CLEC3A: variants seen among roughly 807,000 people sequenced by gnomAD.
CLEC3A encodes the protein C-type (calcium dependent, carbohydrate-recognition domain) lectin, superfamily member 1 (cartilage-derived).
CLEC3A carries 28 observed loss-of-function variants against 20.4 expected under a neutral mutation model. That is an observed-to-expected ratio of 1.37 (90% CI 1.02 to 1.88). The LOEUF is 1.88. Ranked by LOEUF, CLEC3A falls within the 40% of genes most tolerant of loss-of-function variation. The probability of loss-of-function intolerance (pLI) is 0.00; values close to 1 mark genes in which losing one functional copy is unlikely to be tolerated. For missense variants in CLEC3A, 357 were observed against 240.4 expected, an observed-to-expected ratio of 1.48 and a Z score of -3.21; for synonymous variants, 110 against 88.1, an observed-to-expected ratio of 1.25 and a Z score of -1.39.
intron 2 of CLEC3A, among the ~76,000 whole-genome samples, chr16:78,029,925 A>G (rs1435973847): frequency 7.9e-5 from 12 of 152,174 alleles, no homozygotes; most frequent in Middle Eastern, 6.8e-3. Context: ...AGGCCGAGGC[A>G]GGCGGATCAT....
In CLEC3A at chr16:78,022,662, G is replaced by T; in HGVS notation, c.36G>T (p.Val12=). 1.2e-6 allele frequency: 2 copies of T among 1,614,106 alleles called. No homozygotes were observed. Among genetic ancestry groups the T allele is most frequent in the South Asian group, 1.1e-5 (1 of 91,068 alleles). Residue 12 remains valine (V), a synonymous_variant, in exon 1 of 3, where the codon GTG becomes GTT. Transcript: ENST00000299642. ...AKNGLVICIL[V]ITLLLDQTTS... is the part of the protein sequence containing the mutation. ...ATGGACTTGTAATTTGCATCCTGGT[G>T]ATCACCTTACTCCTGGACCAGACCA... is the stretch of plus-strand genomic sequence containing the variant.
At chr16:78,026,032 C>T (rs897810699) in intron 1 of CLEC3A, among the ~76,000 whole-genome samples, 9 of 152,156 alleles carry the variant, frequency 5.9e-5, no homozygotes, top group African/African-American at 1.4e-4. Context: ...TTTGCAAGCC[C>T]GGCCCCCACC....
In CLEC3A at chr16:78,030,612, T is replaced by G; in HGVS notation, c.365T>G (p.Leu122Arg). The change falls in exon 3 of 3, where the codon CTG becomes CGG. Residue 122 changes from leucine to arginine, a missense_variant. Leu to Arg is a moderately radical substitution (Grantham distance 102). Coordinates refer to ENST00000299642, the MANE Select transcript of CLEC3A (RefSeq NM_005752.6). ...NALQDYGKRS[L>R]PGVNDFWLGI... Reference sequence around the variant, plus strand: ...CTCCAAGACTATGGTAAAAGGAGCCTGCCAGGTGTCAATGACTTTTGGCTG... The same window carrying G: ...CTCCAAGACTATGGTAAAAGGAGCCGGCCAGGTGTCAATGACTTTTGGCTG... 6.2e-7 allele frequency: 1 copy of G among 1,614,120 alleles called. No individual in the cohort carries two copies. The highest frequency in any genetic ancestry group is 8.5e-7 in the Non-Finnish European group (1 of 1,180,024).
In CLEC3A at chr16:78,024,182, G is replaced by A. The variant is rs1164572522; in HGVS notation, c.115+1441G>A. Among the ~76,000 whole-genome samples the A allele has an allele frequency of 2.0e-5, 3 of 152,300 alleles. No homozygotes were observed. The South Asian group carries it at 6.2e-4, about 32-fold the overall frequency. ...CTGAAGATGGTATCGAAAGGAGAGG[G>A]GAGAGAGAAGATACTGGGTGACATG... On this transcript the variant is annotated intron_variant, in intron 1 of 2. Transcript: ENST00000299642.
intron 1 of CLEC3A, among the ~76,000 whole-genome samples, chr16:78,023,836 C>A (rs563924754): frequency 2.4e-4 from 36 of 150,942 alleles, no homozygotes; most frequent in African/African-American, 7.1e-4. Context: ...TGGCTCACTA[C>A]AAGCTCCACC....
chr16:78,028,030 A>T, intron 1 of CLEC3A, 77 bp from the exon 2 acceptor site: 1 of 1,011,764 alleles, frequency 9.9e-7, no homozygotes, highest in Non-Finnish European at 1.5e-6. Context: ...CTTGGGTCCT[A>T]CATTCCAAAG....
chr16:78,030,649 C>T lies in CLEC3A; in HGVS notation c.402C>T (p.Asp134=), dbSNP rs1400488572. ...GVNDFWLGIN[D]MVTEGKFVDV... is the part of the protein sequence containing the mutation. ...ATGACTTTTGGCTGGGCATCAATGA[C>T]ATGGTCACGGAAGGCAAGTTTGTTG... is the stretch of plus-strand genomic sequence containing the variant. Residue 134 remains aspartate (D), a synonymous_variant, in exon 3 of 3, where the codon GAC becomes GAT. Coordinates refer to ENST00000299642, the MANE Select transcript of CLEC3A (RefSeq NM_005752.6). The T allele has an allele frequency of 3.1e-6, 5 of 1,614,002 alleles. No individual in the cohort carries two copies. Among genetic ancestry groups the T allele is most frequent in the East Asian group, 2.2e-5 (1 of 44,882 alleles).
chr16:78,026,137 T>C (rs145774815), intron 1 of CLEC3A, among the ~76,000 whole-genome samples: 3 of 152,332 alleles, frequency 2.0e-5, no homozygotes, highest in Non-Finnish European at 4.4e-5. Flanking sequence ...ATTTCTGAGC[T>C]GAGCCATGGG....
intron 1 of CLEC3A, among the ~76,000 whole-genome samples, chr16:78,027,362 C>G (rs753690803): frequency 1.3e-5 from 2 of 152,066 alleles, no homozygotes; most frequent in African/African-American, 4.8e-5. Context: ...ACCAGGAAAG[C>G]CTTCTCAGAA....
At chr16:78,027,903 G>T (rs573060150) in intron 1 of CLEC3A, among the ~76,000 whole-genome samples, 7 of 152,300 alleles carry the variant, frequency 4.6e-5, no homozygotes, top group African/African-American at 1.7e-4. Context: ...TGGTCCACCC[G>T]CCTTGGCCTC....
In CLEC3A at chr16:78,030,682, C is replaced by G. The variant is rs757636173; in HGVS notation, c.435C>G (p.Asn145Lys). The G allele has an allele frequency of 6.2e-7, 1 of 1,614,128 alleles. No homozygotes were observed. Among genetic ancestry groups the G allele is most frequent in the Non-Finnish European group, 8.5e-7 (1 of 1,180,022 alleles). Residue 145 changes from asparagine (N) to lysine (K), a missense_variant, in exon 3 of 3, where the codon AAC becomes AAG. Coordinates refer to ENST00000299642, the MANE Select transcript of CLEC3A (RefSeq NM_005752.6). ...CGGAAGGCAAGTTTGTTGACGTCAA[C>G]GGAATCGCTATCTCCTTCCTCAACT... ...MVTEGKFVDVNGIAISFLNWD... is the reference protein window; with the variant it reads ...MVTEGKFVDVKGIAISFLNWD...
chr16:78,030,414 C>T (rs377538502), intron 2 of CLEC3A, 33 bp from the exon 3 acceptor site: 7 of 1,544,454 alleles, frequency 4.5e-6, no homozygotes, highest in Non-Finnish European at 6.1e-6. Flanking sequence ...ACTCAAAATG[C>T]ATCTTAATAT....
At chr16:78,030,417 CTTAATA>C in intron 2 of CLEC3A, 24 bp from the exon 3 acceptor site, 1 of 1,552,980 alleles carries the variant, frequency 6.4e-7, no homozygotes, top group South Asian at 1.2e-5. Context: ...CAAAATGCAT[CTTAATA>C]TGTTACACTT....
rs1346890230 is a variant in CLEC3A at position 78,030,745 on chromosome 16, CTG to C, written c.502_503del (p.Val168ProfsTer12). ...AQPNGGKREN[C>X]VLFSQSAQGK... ...AGCCTAACGGTGGCAAGCGAGAAAA[CTG>C]TGTCCTGTTCTCCCAATCAGCTCAG... On this transcript the variant is annotated frameshift_variant, in exon 3 of 3. Transcript: ENST00000299642. LOFTEE classifies it high-confidence loss of function. 4 of 1,614,032 alleles carry C rather than the reference CTG, an allele frequency of 2.5e-6. No individual in the cohort carries two copies. In the East Asian group the frequency reaches 6.7e-5, roughly 27 times the overall value.
intron 1 of CLEC3A, among the ~76,000 whole-genome samples, chr16:78,026,019 GT>G (rs2142589195): frequency 6.6e-6 from 1 of 152,308 alleles, no homozygotes; most frequent in African/African-American, 2.4e-5. Context: ...GTGTTCAGCA[GT>G]CTTTGCAAGC....
At chr16:78,027,308 G>A (rs1046569274) in intron 1 of CLEC3A, among the ~76,000 whole-genome samples, 9 of 152,190 alleles carry the variant, frequency 5.9e-5, no homozygotes, top group Non-Finnish European at 1.0e-4. Context: ...AGAAAAATAA[G>A]TTTCAAAGAC....
At chr16:78,024,050 C>A (rs529519158) in intron 1 of CLEC3A, among the ~76,000 whole-genome samples, 29 of 152,172 alleles carry the variant, frequency 1.9e-4, no homozygotes, top group African/African-American at 7.0e-4. Flanking sequence ...AGCCACCGCG[C>A]CCGGCTAGTG....
At chr16:78,030,310 C>G (rs993336569) in intron 2 of CLEC3A, 137 bp from the exon 3 acceptor site, 5 of 774,276 alleles carry the variant, frequency 6.5e-6, no homozygotes, top group Non-Finnish European at 1.0e-5. Flanking sequence ...TGTTGTCCGG[C>G]ACATAGAAAA....
At chr16:78,025,359 C>T (rs1280600120) in intron 1 of CLEC3A, among the ~76,000 whole-genome samples, 1 of 152,194 alleles carries the variant, frequency 6.6e-6, no homozygotes, top group African/African-American at 2.4e-5. Context: ...AACTGCTTTG[C>T]ACACATACTG....
Sources: allele counts gnomAD v4.1 joint callset (sites outside exome capture counted in the v4.1 genomes callset), GRCh38; gene constraint gnomAD v4.1.1; transcripts MANE v1.5; gene names NCBI Gene and HGNC (gene_info 2026-07-23, HGNC 2026-07-21).